The following PREPL variants were observed in gnomAD, a reference collection of about 807,000 sequenced individuals.
PREPL encodes the protein prolyl endopeptidase like.
PREPL carries 77 observed loss-of-function variants against 70.6 expected under a neutral mutation model. The observed-to-expected ratio is 1.09, with a 90% CI of 0.91 to 1.32. The LOEUF is 1.32. Among genes scored for constraint, PREPL ranks in the 40% most tolerant of loss-of-function variants. PREPL has a pLI of 0.00. For missense variants in PREPL, 1,002 were observed against 778.2 expected, an observed-to-expected ratio of 1.29 and a Z score of -3.42; for synonymous variants, 315 against 264.8, an observed-to-expected ratio of 1.19 and a Z score of -1.84.
intron 2 of PREPL, among the ~76,000 whole-genome samples, chr2:44,344,968 T>C (rs1675631455): frequency 6.6e-6 from 1 of 152,314 alleles, no homozygotes; most frequent in South Asian, 2.1e-4. Context: ...ATGATGCAGA[T>C]GAGGAAACTG....
intron 10 of PREPL, among the ~76,000 whole-genome samples, chr2:44,325,110 C>T (rs1436037744): frequency 2.0e-5 from 3 of 152,190 alleles, no homozygotes; most frequent in Non-Finnish European, 2.9e-5. Context: ...ACCTTATCAG[C>T]TAGAGCCTGC....
In PREPL at chr2:44,318,921, T is replaced by G. The variant is rs957871809; in HGVS notation, c.*2435A>C. Reference sequence around the variant, plus strand: ...ATATAGAAAATACTCAAATGCAAAATCAACAAATCTGCAATTACAGAAAAA... The same window carrying G: ...ATATAGAAAATACTCAAATGCAAAAGCAACAAATCTGCAATTACAGAAAAA... On this transcript the variant is annotated 3_prime_UTR_variant, in exon 14 of 14. Transcript: ENST00000409411. The G allele has an allele frequency of 1.3e-5, 2 of 152,016 alleles. No individual in the cohort carries two copies. Among genetic ancestry groups the G allele is most frequent in the East Asian group, 3.9e-4 (2 of 5,190 alleles). 9.4% of individuals were successfully genotyped at this position (152,016 alleles called of 1,614,324 possible). A position where few individuals can be genotyped will look rare whatever the true frequency, so the allele number is the denominator to read the frequency against.
intron 1 of PREPL, among the ~76,000 whole-genome samples, chr2:44,349,419 C>A (rs1338932157): frequency 6.6e-6 from 1 of 151,836 alleles, no homozygotes; most frequent in Non-Finnish European, 1.5e-5. Flanking sequence ...ACAACTGGAG[C>A]CTCAAAAAGA....
intron 1 of PREPL, among the ~76,000 whole-genome samples, chr2:44,351,358 T>A (rs1676416081): frequency 2.0e-5 from 3 of 152,138 alleles, no homozygotes; most frequent in Admixed American, 2.0e-4. Flanking sequence ...ATTTATATGC[T>A]AAGGACTCCC....
At chr2:44,324,517 A>T (rs1168983925) in intron 10 of PREPL, among the ~76,000 whole-genome samples, 2 of 152,236 alleles carry the variant, frequency 1.3e-5, no homozygotes, top group Non-Finnish European at 2.9e-5. Flanking sequence ...GAAACTCTGC[A>T]AAATACCCAA....
Position 44,344,552 on chromosome 2 carries a change from CCTT to C in PREPL, c.107_109del (p.Glu36del), listed in dbSNP as rs1417889836. The stretch of plus-strand genomic sequence containing the variant: ...ATCTTTGGAACGAACCAAGCAACAA[CCTT>C]CTTGGTAATAAACAAAACCACCATG... On this transcript the variant is annotated inframe_deletion, in exon 3 of 14. Transcript: ENST00000409411. 1 of 1,604,100 alleles carries C rather than the reference CCTT, an allele frequency of 6.2e-7. No individual in the cohort carries two copies. Among genetic ancestry groups the C allele is most frequent in the Admixed American group, 1.7e-5 (1 of 59,000 alleles).
rs750048724 is a variant in PREPL, at chr2:44,338,441, A to T, written c.798T>A (p.Phe266Leu). The T allele has an allele frequency of 6.2e-7, 1 of 1,613,152 alleles. No individual in the cohort carries two copies. Residue 266 changes from phenylalanine to leucine, a missense_variant, in exon 7 of 14, where the codon TTT becomes TTA. By Grantham distance (22) the Phe-to-Leu change is conservative (BLOSUM62 0). Transcript: ENST00000409411. ...RNTKVIDLDM[F>L]KDHCVLFLKH... ...TCAGAAATAGAACACAGTGATCCTT[A>T]AACATGTCCAAGTCTATCACTTTTG...
At position 44,322,596 on chromosome 2, in the gene PREPL, A is replaced by G. The variant is rs77212913; in HGVS notation, c.1753+135T>C. ...TTACGTACACTTTAACTGGGGAGTC[A>G]ACATAGCAAAATAATTGTTTGCCCT... On this transcript the variant is annotated intron_variant, in intron 12 of 13. Transcript: ENST00000409411. 0.055 allele frequency: 66,005 copies of G among 1,202,762 alleles called. 2,145 individuals carry two copies. The highest frequency in any genetic ancestry group is 0.08 in the Middle Eastern group (341 of 4,266). The allele number at this position is 1,202,762 out of a possible 1,614,324, so 74.5% of individuals were successfully genotyped here.
At chr2:44,349,925 T>G (rs1002435445) in intron 1 of PREPL, among the ~76,000 whole-genome samples, 1 of 152,196 alleles carries the variant, frequency 6.6e-6, no homozygotes, top group African/African-American at 2.4e-5. Flanking sequence ...TATAAGTCAC[T>G]AACTCTTAAA....
chr2:44,358,306 G>T (rs972760716), intron 1 of PREPL, among the ~76,000 whole-genome samples: 2 of 152,096 alleles, frequency 1.3e-5, no homozygotes, highest in African/African-American at 2.4e-5. Flanking sequence ...AATGGATCAA[G>T]TGGAAAACTT....
intron 4 of PREPL, among the ~76,000 whole-genome samples, chr2:44,343,390 T>A (rs908188541): frequency 2.6e-5 from 4 of 152,016 alleles, no homozygotes; most frequent in Non-Finnish European, 5.9e-5. Context: ...AACATGAAAT[T>A]AAAAAAATAC....
rs552669558 is a variant in PREPL, at chr2:44,358,481, G to A, written c.-49+2899C>T. On this transcript the variant is annotated intron_variant, in intron 1 of 13. Transcript: ENST00000409411. The stretch of plus-strand genomic sequence containing the variant: ...CCCAAATATCATTAAGGAACCTAAG[G>A]AACATAAGAAGTAAAAGGTAGGAGA... Among the ~76,000 whole-genome samples, 3 of 152,226 alleles carry A rather than the reference G, an allele frequency of 2.0e-5. No homozygotes were observed. The East Asian group carries it at 5.8e-4, about 29-fold the overall frequency.
rs527438708 is a variant in PREPL, at chr2:44,350,277, G to T, written c.-48-3887C>A. Among the ~76,000 whole-genome samples, 154 of 152,020 alleles carry T rather than the reference G, an allele frequency of 1.0e-3. 1 individual carries two copies. Among genetic ancestry groups the T allele is most frequent in the African/African-American group, 3.7e-3 (153 of 41,462 alleles). On this transcript the variant is annotated intron_variant, in intron 1 of 13. Coordinates refer to ENST00000409411, the MANE Select transcript of PREPL (RefSeq NM_001171613.2). The stretch of plus-strand genomic sequence containing the variant: ...CCAAGAAGGATTTTTTCCTAAGAAT[G>T]AAAGGATGGTCCAACATCAGAAAAA...
At chr2:44,329,200 T>TC in intron 8 of PREPL, 88 bp from the exon 9 acceptor site, 1 of 1,092,832 alleles carries the variant, frequency 9.2e-7, no homozygotes, top group Non-Finnish European at 1.3e-6. Context: ...AGGTGCACTG[T>TC]CCCCACTTGT....
rs553462426 is a variant in PREPL, at chr2:44,338,664, G to A, written c.703-128C>T. ...TTTATGAAGAGCTGAAGGAACTAACGCTGCATCAGGGATAAAGTGTGACCA... is the reference window on the plus strand; with the variant it reads ...TTTATGAAGAGCTGAAGGAACTAACACTGCATCAGGGATAAAGTGTGACCA... On this transcript the variant is annotated intron_variant, in intron 6 of 13. Coordinates refer to ENST00000409411, the MANE Select transcript of PREPL (RefSeq NM_001171613.2). 5 of 756,960 alleles carry A rather than the reference G, an allele frequency of 6.6e-6. No individual in the cohort carries two copies. The East Asian group carries it at 1.1e-4, about 16-fold the overall frequency. 46.9% of individuals were successfully genotyped at this position (756,960 alleles called of 1,614,324 possible).
In PREPL at chr2:44,318,023, C is replaced by T. The variant is rs1558473434; in HGVS notation, c.*3333G>A. 1 of 379,180 alleles carries T rather than the reference C, an allele frequency of 2.6e-6. No individual in the cohort carries two copies. Among genetic ancestry groups the T allele is most frequent in the East Asian group, 9.5e-5 (1 of 10,496 alleles). 23.5% of individuals were successfully genotyped at this position (379,180 alleles called of 1,614,324 possible). The stretch of plus-strand genomic sequence containing the variant: ...ACAAAAAATGAAGTTATCTTTTGAC[C>T]TAATAATTCCATTCCTAATACTTAG... On this transcript the variant is annotated 3_prime_UTR_variant, in exon 14 of 14. Coordinates refer to ENST00000409411, the MANE Select transcript of PREPL (RefSeq NM_001171613.2).
In PREPL at chr2:44,354,254, T is replaced by C. The variant is rs545059213; in HGVS notation, c.-49+7126A>G. 2.1e-4 allele frequency among the ~76,000 whole-genome samples: 32 copies of C among 152,294 alleles called. No individual in the cohort carries two copies. The South Asian group carries it at 6.2e-3, about 30-fold the overall frequency. ...TTTCTAGCAATAAAATTTATGGTTA[T>C]ATGAAAAGAAAAAATGCATTAATTT... On this transcript the variant is annotated intron_variant, in intron 1 of 13. Transcript: ENST00000409411.
intron 2 of PREPL, among the ~76,000 whole-genome samples, chr2:44,345,730 A>G (rs1675730807): frequency 6.6e-6 from 1 of 152,212 alleles, no homozygotes; most frequent in African/African-American, 2.4e-5. Flanking sequence ...ATGGTATTAT[A>G]CTACTTAAAG....
chr2:44,322,474 C>A (rs1673071603), intron 12 of PREPL, among the ~76,000 whole-genome samples: 3 of 152,162 alleles, frequency 2.0e-5, no homozygotes, highest in Non-Finnish European at 4.4e-5. Flanking sequence ...CAAGTTATAT[C>A]TGATTCTTAA....
Sources: gnomAD v4.1 joint callset for allele counts (sites outside exome capture counted in the v4.1 genomes callset) on GRCh38, gnomAD v4.1.1 for gene constraint, MANE v1.5 for transcripts, NCBI Gene and HGNC (gene_info 2026-07-23, HGNC 2026-07-21) for gene names.